The following BMPER variants were observed in gnomAD, a reference collection of about 807,000 sequenced individuals.
The protein encoded by BMPER is BMP binding endothelial regulator.
Under a neutral mutation model 87.3 loss-of-function variants are expected in BMPER, and 45 were observed. The ratio of observed to expected loss-of-function variants is 0.52; its 90% CI spans 0.41 to 0.66. BMPER has a LOEUF of 0.66. Among genes scored for constraint, BMPER ranks in the 30% least tolerant of loss-of-function variants. The pLI is 0.00. For synonymous variants in BMPER, 326 were observed against 316.2 expected, an observed-to-expected ratio of 1.03 and a Z score of -0.33; for missense variants, 784 against 867.5, an observed-to-expected ratio of 0.90 and a Z score of 1.21.
At chr7:33,960,389 GA>G (rs1459667230) in intron 3 of BMPER, among the ~76,000 whole-genome samples, 12 of 152,172 alleles carry the variant, frequency 7.9e-5, no homozygotes, top group Non-Finnish European at 1.5e-4. Flanking sequence ...AACAGTGTCT[GA>G]AAAGTGGTTC....
chr7:34,092,885 A>G (rs187202809), intron 13 of BMPER, among the ~76,000 whole-genome samples: 26 of 152,342 alleles, frequency 1.7e-4, no homozygotes, highest in African/African-American at 5.8e-4. Flanking sequence ...AAAGACAAAT[A>G]CTGTTTCTTT....
intron 3 of BMPER, among the ~76,000 whole-genome samples, chr7:33,959,925 G>A (rs1288138742): frequency 2.0e-5 from 3 of 152,112 alleles, no homozygotes; most frequent in Non-Finnish European, 2.9e-5. Context: ...TACTGGTGAA[G>A]TCAGTTGAAT....
chr7:33,914,768 G>A (rs536997211), intron 2 of BMPER, among the ~76,000 whole-genome samples: 1 of 152,252 alleles, frequency 6.6e-6, no homozygotes, highest in South Asian at 2.1e-4. Context: ...GGATAGAAAA[G>A]GAGAAACCTG....
intron 13 of BMPER, among the ~76,000 whole-genome samples, chr7:34,108,548 G>A (rs1450281113): frequency 6.6e-6 from 1 of 152,210 alleles, no homozygotes; most frequent in Non-Finnish European, 1.5e-5. Flanking sequence ...TGTGGTTGCT[G>A]TTGGCTCTCT....
rs79938644 is a variant in BMPER at position 34,135,984 on chromosome 7, A to G, written c.1746-7246A>G. Among the ~76,000 whole-genome samples the G allele has an allele frequency of 8.5e-3, 1,289 of 152,246 alleles. 25 individuals are homozygous for G. The highest frequency in any genetic ancestry group is 0.028 in the African/African-American group (1,168 of 41,536). On this transcript the variant is annotated intron_variant, in intron 13 of 14. Coordinates refer to ENST00000649409, the MANE Select transcript of BMPER (RefSeq NM_001365308.1). ...GTATCCTCCTGCCCTGTCTCCCCAG[A>G]TGAAGGTTATGAAATCCACAAGCTA...
chr7:34,065,669 A>C (rs1266429884), intron 11 of BMPER, among the ~76,000 whole-genome samples: 1 of 152,176 alleles, frequency 6.6e-6, no homozygotes, highest in East Asian at 1.9e-4. Flanking sequence ...CCCTGCAAAA[A>C]ATTATGAAGG....
At chr7:34,072,356 T>C (rs1213118954) in intron 11 of BMPER, among the ~76,000 whole-genome samples, 1 of 152,054 alleles carries the variant, frequency 6.6e-6, no homozygotes, top group African/African-American at 2.4e-5. Context: ...AGGTCAGAAG[T>C]CTGAAAAGGG....
chr7:34,132,269 G>T (rs756833724), intron 13 of BMPER, among the ~76,000 whole-genome samples: 97 of 152,100 alleles, frequency 6.4e-4, no homozygotes, highest in Non-Finnish European at 1.2e-3. Context: ...GAGAGCTAGT[G>T]CCCCCTTAAT....
intron 13 of BMPER, among the ~76,000 whole-genome samples, chr7:34,140,727 A>T (rs912833160): frequency 6.6e-6 from 1 of 152,248 alleles, no homozygotes; most frequent in Non-Finnish European, 1.5e-5. Flanking sequence ...AGAAATCAAG[A>T]GAAAAGGAAA....
intron 6 of BMPER, among the ~76,000 whole-genome samples, chr7:33,994,794 T>C (rs1369157529): frequency 6.6e-6 from 1 of 152,160 alleles, no homozygotes; most frequent in Admixed American, 6.5e-5. Flanking sequence ...ACCTCTACCA[T>C]TGGCTAGTTA....
intron 11 of BMPER, among the ~76,000 whole-genome samples, chr7:34,064,119 C>A (rs1000124786): frequency 1.3e-5 from 2 of 152,128 alleles, no homozygotes; most frequent in African/African-American, 4.8e-5. Flanking sequence ...GGTAAAACCC[C>A]ATTTCTACTA....
Position 34,127,611 on chromosome 7 carries a change from T to C in BMPER, c.1746-15619T>C, listed in dbSNP as rs76261012. On this transcript the variant is annotated intron_variant, in intron 13 of 14. Coordinates refer to ENST00000649409, the MANE Select transcript of BMPER (RefSeq NM_001365308.1). ...TACAAACTCATCATCTCTCCTCCGC[T>C]CCACCCCGCTCCTTTCTACTACCGG... Among the ~76,000 whole-genome samples, 735 of 152,252 alleles carry C rather than the reference T, an allele frequency of 4.8e-3. 6 individuals are homozygous for C. Among genetic ancestry groups the C allele is most frequent in the African/African-American group, 0.016 (656 of 41,548 alleles).
rs1283838460 is a variant in BMPER at position 34,143,321 on chromosome 7, G to A, written c.1837G>A (p.Gly613Ser). The A allele has an allele frequency of 6.2e-7, 1 of 1,613,982 alleles. No individual in the cohort carries two copies. Among genetic ancestry groups the A allele is most frequent in the Non-Finnish European group, 8.5e-7 (1 of 1,179,942 alleles). Residue 613 changes from glycine (G) to serine (S), a missense_variant, in exon 14 of 15, where the codon GGC (glycine) becomes AGC (serine). By Grantham distance (56) the Gly-to-Ser change is moderately conservative. Coordinates refer to ENST00000649409, the MANE Select transcript of BMPER (RefSeq NM_001365308.1). ...LAYTRACQRE[G>S]IKVHWEPQQN... is the part of the protein sequence containing the mutation. The stretch of plus-strand genomic sequence containing the variant: ...ATATACCCGGGCCTGCCAGAGAGAG[G>A]GCATCAAAGTCCACTGGGAGCCTCA...
rs528668226 is a variant in BMPER at position 33,960,132 on chromosome 7, G to A, written c.320-6347G>A. On this transcript the variant is annotated intron_variant, in intron 3 of 14. Transcript: ENST00000649409. ...AAAATTTTGTGGTGAGGGAGCACAC[G>A]CTACTATTTAAGAACTCAGTTCATG... 5.3e-4 allele frequency among the ~76,000 whole-genome samples: 81 copies of A among 152,294 alleles called. 1 individual carries two copies. The highest frequency in any genetic ancestry group is 5.2e-3 in the Admixed American group (80 of 15,300).
At chr7:34,069,805 T>C (rs1788691407) in intron 11 of BMPER, among the ~76,000 whole-genome samples, 1 of 152,236 alleles carries the variant, frequency 6.6e-6, no homozygotes. Flanking sequence ...TAGGTTACAA[T>C]ACTTCAGTTG....
chr7:34,120,392 GT>G (rs1278820089), intron 13 of BMPER, among the ~76,000 whole-genome samples: 1 of 93,016 alleles, frequency 1.1e-5, no homozygotes, highest in African/African-American at 3.4e-5. Context: ...TTTGAGTCGT[GT>G]TTTTTTGTTT....
Position 33,937,280 on chromosome 7 carries a change from T to A in BMPER, c.220-9T>A. ...CTATTTCAAATCTCTCGTGTCTCTT[T>A]TTGTCTAGAACAAGGAAGTGACATG... On this transcript the variant is annotated splice_polypyrimidine_tract_variant and intron_variant, in intron 2 of 14. Transcript: ENST00000649409. 6.2e-7 allele frequency: 1 copy of A among 1,612,586 alleles called. No individual in the cohort carries two copies. The highest frequency in any genetic ancestry group is 8.5e-7 in the Non-Finnish European group (1 of 1,178,572).
At chr7:33,918,760 T>C (rs1181267355) in intron 2 of BMPER, among the ~76,000 whole-genome samples, 1 of 152,326 alleles carries the variant, frequency 6.6e-6, no homozygotes, top group African/African-American at 2.4e-5. Flanking sequence ...TTCAAGCACA[T>C]GTGAAACAAT....
intron 13 of BMPER, among the ~76,000 whole-genome samples, chr7:34,099,094 C>T (rs1028057750): frequency 9.2e-5 from 14 of 152,152 alleles, no homozygotes; most frequent in African/African-American, 3.4e-4. Flanking sequence ...TAAGAGCTTA[C>T]ACTTTTGAGT....
Sources: allele counts gnomAD v4.1 joint callset (sites outside exome capture counted in the v4.1 genomes callset), GRCh38; gene constraint gnomAD v4.1.1; transcripts MANE v1.5; gene names NCBI Gene and HGNC (gene_info 2026-07-23, HGNC 2026-07-21).